DLGAP2: variants seen among roughly 807,000 people sequenced by gnomAD.
The protein encoded by DLGAP2 is DLG associated protein 2, also known as disks large-associated protein 2.
Under a neutral mutation model 100.3 loss-of-function variants are expected in DLGAP2, and 26 were observed. The ratio of observed to expected loss-of-function variants is 0.26; its 90% CI spans 0.19 to 0.36. The LOEUF is 0.36. Among genes scored for constraint, DLGAP2 ranks in the 10% least tolerant of loss-of-function variants. The pLI, the probability that DLGAP2 is intolerant of heterozygous loss-of-function variation, is 1.00. For synonymous variants in DLGAP2, 886 were observed against 630.1 expected, an observed-to-expected ratio of 1.41 and a Z score of -6.08; for missense variants, 1,858 against 1,453.2, an observed-to-expected ratio of 1.28 and a Z score of -4.53.
rs1356607558 is a variant in DLGAP2, at chr8:796,058, T to TGTCCAGTGAGAGCAGGC, written c.18+58266_18+58282dup. Among the ~76,000 whole-genome samples the TGTCCAGTGAGAGCAGGC allele has an allele frequency of 6.9e-5, 8 of 115,486 alleles. No individual in the cohort carries two copies. The South Asian group carries it at 9.3e-4, about 13-fold the overall frequency. 75.8% of individuals were successfully genotyped at this position (115,486 alleles called of 152,430 possible). On this transcript the variant is annotated intron_variant, in intron 1 of 14. Coordinates refer to ENST00000637795, the MANE Select transcript of DLGAP2 (RefSeq NM_001346810.2). ...AGAGCAGGCGTCCAGTGAGAGCAGC[T>TGTCCAGTGAGAGCAGGC]GTCCAGTGAGAGCAGGCGTCCAGTG...
At chr8:1,205,603 G>C (rs531811394) in intron 2 of DLGAP2, among the ~76,000 whole-genome samples, 1 of 152,184 alleles carries the variant, frequency 6.6e-6, no homozygotes, top group Non-Finnish European at 1.5e-5. Context: ...AAGAGCTGCC[G>C]CTGGGACGTG....
chr8:1,464,853 A>G (rs576041279), intron 3 of DLGAP2, among the ~76,000 whole-genome samples: 3 of 152,352 alleles, frequency 2.0e-5, no homozygotes, highest in East Asian at 3.9e-4. Context: ...TGACCTTCCT[A>G]TGCAAGAGTT....
At chr8:1,343,622 A>G (rs534344645) in intron 3 of DLGAP2, among the ~76,000 whole-genome samples, 2 of 152,342 alleles carry the variant, frequency 1.3e-5, no homozygotes, top group South Asian at 4.1e-4. Flanking sequence ...ACTGCATGCC[A>G]AGTAAATGCA....
At chr8:906,978 G>C (rs1798394494) in intron 1 of DLGAP2, among the ~76,000 whole-genome samples, 1 of 152,176 alleles carries the variant, frequency 6.6e-6, no homozygotes, top group African/African-American at 2.4e-5. Context: ...GGATGGAGGA[G>C]AAGGGAGTGG....
intron 2 of DLGAP2, among the ~76,000 whole-genome samples, chr8:982,792 C>A (rs1563127444): frequency 1.3e-5 from 2 of 151,906 alleles, no homozygotes; most frequent in African/African-American, 4.8e-5. Context: ...GCTTTCTAGT[C>A]CACAGTTGGT....
In DLGAP2 at chr8:1,317,108, C is replaced by G. The variant is rs192926385; in HGVS notation, c.106+58225C>G. Among the ~76,000 whole-genome samples, 150 of 114,738 alleles carry G rather than the reference C, an allele frequency of 1.3e-3. 1 individual carries two copies. The highest frequency in any genetic ancestry group is 5.7e-3 in the Middle Eastern group (1 of 176). 75.3% of individuals were successfully genotyped at this position (114,738 alleles called of 152,430 possible). A position where few individuals can be genotyped will look rare whatever the true frequency, so the allele number is the denominator to read the frequency against. ...ACTCGGCAGCGTTTAAAAATAGAGC[C>G]TGTGCGAGTGCAGCGTCTCTCCAAC... is the stretch of plus-strand genomic sequence containing the variant. On this transcript the variant is annotated intron_variant, in intron 3 of 14. Coordinates refer to ENST00000637795, the MANE Select transcript of DLGAP2 (RefSeq NM_001346810.2).
chr8:1,484,786 T>C (rs1799196783), intron 3 of DLGAP2, among the ~76,000 whole-genome samples: 1 of 152,194 alleles, frequency 6.6e-6, no homozygotes, highest in African/African-American at 2.4e-5. Flanking sequence ...AGCAGAGCCT[T>C]CTGTGGCTTC....
At chr8:1,171,600 G>A (rs1404764301) in intron 2 of DLGAP2, among the ~76,000 whole-genome samples, 1 of 152,136 alleles carries the variant, frequency 6.6e-6, no homozygotes, top group Admixed American at 6.5e-5. Context: ...AGGATACTTA[G>A]CTCTTCTTGT....
At chr8:856,171 A>ATCG (rs1797272130) in intron 1 of DLGAP2, among the ~76,000 whole-genome samples, 1 of 126,578 alleles carries the variant, frequency 7.9e-6, no homozygotes, top group African/African-American at 2.8e-5. Flanking sequence ...TAGTGGAAAA[A>ATCG]TCTTCTTCTT....
chr8:1,206,198 G>C (rs1797986088), intron 2 of DLGAP2, among the ~76,000 whole-genome samples: 1 of 152,224 alleles, frequency 6.6e-6, no homozygotes, highest in Non-Finnish European at 1.5e-5. Flanking sequence ...GTGCCAGGCT[G>C]CTTGATGTTG....
chr8:1,339,054 C>T (rs1801358219), intron 3 of DLGAP2, among the ~76,000 whole-genome samples: 1 of 151,766 alleles, frequency 6.6e-6, no homozygotes, highest in African/African-American at 2.4e-5. Flanking sequence ...AATGCAGTGA[C>T]CTCAGTGAGG....
intron 1 of DLGAP2, among the ~76,000 whole-genome samples, chr8:863,992 G>C (rs1024587009): frequency 6.6e-6 from 1 of 152,126 alleles, no homozygotes; most frequent in Non-Finnish European, 1.5e-5. Flanking sequence ...AGAAAATATG[G>C]TACACAGTGG....
At chr8:1,372,383 C>T (rs1563111532) in intron 3 of DLGAP2, among the ~76,000 whole-genome samples, 2 of 152,188 alleles carry the variant, frequency 1.3e-5, no homozygotes, top group African/African-American at 2.4e-5. Context: ...ACTCTGCAGG[C>T]GAGCAAAGCA....
At chr8:1,096,506 CT>C (rs1265106583) in intron 2 of DLGAP2, among the ~76,000 whole-genome samples, 1 of 151,710 alleles carries the variant, frequency 6.6e-6, no homozygotes, top group Non-Finnish European at 1.5e-5. Context: ...TCATCAAGCT[CT>C]GTGGCATGGA....
chr8:1,477,192 A>C (rs190885924), intron 3 of DLGAP2, among the ~76,000 whole-genome samples: 1 of 152,314 alleles, frequency 6.6e-6, no homozygotes, highest in African/African-American at 2.4e-5. Flanking sequence ...GCGGGGGTGG[A>C]TGCGCACCTG....
chr8:936,952 T>C (rs1799086379), intron 2 of DLGAP2, among the ~76,000 whole-genome samples: 1 of 152,224 alleles, frequency 6.6e-6, no homozygotes, highest in African/African-American at 2.4e-5. Context: ...TAATCAATAC[T>C]GCCCTTTCTA....
intron 3 of DLGAP2, among the ~76,000 whole-genome samples, chr8:1,496,391 G>C (rs189587781): frequency 6.6e-6 from 1 of 152,098 alleles, no homozygotes; most frequent in Non-Finnish European, 1.5e-5. Flanking sequence ...TGCCTCTCTG[G>C]TGCTGATTTC....
chr8:959,387 G>A (rs1173135044), intron 2 of DLGAP2, among the ~76,000 whole-genome samples: 4 of 152,172 alleles, frequency 2.6e-5, no homozygotes, highest in Admixed American at 1.3e-4. Context: ...CAGAGAAACG[G>A]CCCTGTCCTG....
rs73532105 is a variant in DLGAP2, at chr8:1,165,625, G to T, written c.74-93226G>T. ...CCTTGTGAAATTGTGCAGTCGCTGC[G>T]TGTGACTGTTACATGATTTTCGTCT... On this transcript the variant is annotated intron_variant, in intron 2 of 14. Coordinates refer to ENST00000637795, the MANE Select transcript of DLGAP2 (RefSeq NM_001346810.2). 3.7e-4 allele frequency among the ~76,000 whole-genome samples: 56 copies of T among 152,342 alleles called. 1 individual carries two copies. The East Asian group carries it at 6.9e-3, about 19-fold the overall frequency.
Sources: gnomAD v4.1 joint callset for allele counts (sites outside exome capture counted in the v4.1 genomes callset) on GRCh38, gnomAD v4.1.1 for gene constraint, MANE v1.5 for transcripts, NCBI Gene and HGNC (gene_info 2026-07-23, HGNC 2026-07-21) for gene names.